DLGAP2: variants seen among roughly 807,000 people sequenced by gnomAD.
DLGAP2 encodes disks large-associated protein 2.
DLGAP2 carries 26 observed loss-of-function variants against 100.3 expected under a neutral mutation model. The observed-to-expected ratio is 0.26, with a 90% confidence interval of 0.19 to 0.36. The LOEUF (loss-of-function observed/expected upper bound fraction) is 0.36, where lower values mean the gene tolerates loss of function less well. Among genes scored for constraint, DLGAP2 ranks in the 10% least tolerant of loss-of-function variants. DLGAP2 has a pLI of 1.00. For missense variants in DLGAP2, 1,858 were observed against 1,453.2 expected, an observed-to-expected ratio of 1.28 and a Z score of -4.53; for synonymous variants, 886 against 630.1, an observed-to-expected ratio of 1.41 and a Z score of -6.08.
At chr8:1,205,086 G>C (rs927608518) in intron 2 of DLGAP2, among the ~76,000 whole-genome samples, 6 of 152,170 alleles carry the variant, frequency 3.9e-5, no homozygotes, top group Non-Finnish European at 8.8e-5. Flanking sequence ...GGTTTCCTGT[G>C]TTTCCTGTCC....
intron 2 of DLGAP2, among the ~76,000 whole-genome samples, chr8:1,089,280 A>T (rs1233045567): frequency 6.6e-6 from 1 of 152,266 alleles, no homozygotes; most frequent in Non-Finnish European, 1.5e-5. Context: ...CTTTCTCCGG[A>T]CATGGTCTAT....
intron 4 of DLGAP2, among the ~76,000 whole-genome samples, chr8:1,508,653 C>G (rs1800039136): frequency 6.7e-6 from 1 of 149,146 alleles, no homozygotes; most frequent in Non-Finnish European, 1.5e-5. Flanking sequence ...CCCAGACATA[C>G]GTAGCAGGCT....
intron 1 of DLGAP2, among the ~76,000 whole-genome samples, chr8:808,070 T>C (rs1422504668): frequency 6.6e-6 from 1 of 152,182 alleles, no homozygotes; most frequent in African/African-American, 2.4e-5. Context: ...TGGATAATTT[T>C]ACGCTCATCT....
intron 1 of DLGAP2, among the ~76,000 whole-genome samples, chr8:752,361 G>C (rs1820813370): frequency 6.6e-6 from 1 of 152,208 alleles, no homozygotes; most frequent in South Asian, 2.1e-4. Flanking sequence ...AGCCTAGTGT[G>C]CCCGGGCCGG....
intron 2 of DLGAP2, among the ~76,000 whole-genome samples, chr8:950,919 C>T (rs1032486898): frequency 6.6e-6 from 1 of 151,852 alleles, no homozygotes; most frequent in African/African-American, 2.4e-5. Context: ...CCACCGCGCT[C>T]GGCCCTAGAA....
chr8:849,639 C>G (rs1476645626), intron 1 of DLGAP2, among the ~76,000 whole-genome samples: 2 of 152,158 alleles, frequency 1.3e-5, no homozygotes, highest in Non-Finnish European at 2.9e-5. Flanking sequence ...GGTCTCCCAG[C>G]CGTCCTAATA....
chr8:969,887 A>G (rs1367012862), intron 2 of DLGAP2, among the ~76,000 whole-genome samples: 1 of 152,226 alleles, frequency 6.6e-6, no homozygotes, highest in Admixed American at 6.5e-5. Context: ...AGTGTATTAC[A>G]TCTGTGGCCA....
intron 5 of DLGAP2, among the ~76,000 whole-genome samples, chr8:1,557,524 G>C (rs1228692454): frequency 6.6e-6 from 1 of 152,108 alleles, no homozygotes; most frequent in African/African-American, 2.4e-5. Flanking sequence ...GTGAACTCAG[G>C]GGTCTCCGCA....
At chr8:782,047 C>G (rs143391495) in intron 1 of DLGAP2, among the ~76,000 whole-genome samples, 2 of 151,984 alleles carry the variant, frequency 1.3e-5, no homozygotes, top group African/African-American at 4.8e-5. Context: ...ATTGATTGTA[C>G]ATTTCAAAAT....
chr8:1,318,487 G>A (rs1040772874), intron 3 of DLGAP2, among the ~76,000 whole-genome samples: 32 of 150,214 alleles, frequency 2.1e-4, no homozygotes, highest in African/African-American at 6.9e-4. Flanking sequence ...CCCTCTTCAC[G>A]CCTTGGATTC....
intron 2 of DLGAP2, among the ~76,000 whole-genome samples, chr8:1,129,687 C>T (rs763791797): frequency 6.6e-6 from 1 of 152,098 alleles, no homozygotes; most frequent in Non-Finnish European, 1.5e-5. Flanking sequence ...GGATACAGTT[C>T]GAGTTGGTGC....
chr8:1,643,560 C>T (rs371265645), intron 8 of DLGAP2, among the ~76,000 whole-genome samples: 4 of 7,418 alleles, frequency 5.4e-4, no homozygotes, highest in Non-Finnish European at 8.0e-4. Flanking sequence ...ACCCCGCCGG[C>T]CCTCACCTGT....
At chr8:1,450,843 G>T (rs901198946) in intron 3 of DLGAP2, among the ~76,000 whole-genome samples, 1 of 152,108 alleles carries the variant, frequency 6.6e-6, no homozygotes, top group African/African-American at 2.4e-5. Context: ...TTCTGGTAAA[G>T]AACAAAATCA....
chr8:1,119,166 G>T (rs932119343), intron 2 of DLGAP2, among the ~76,000 whole-genome samples: 1 of 152,158 alleles, frequency 6.6e-6, no homozygotes, highest in South Asian at 2.1e-4. Flanking sequence ...GCACTGAGAT[G>T]GCATAAATGC....
chr8:846,635 C>A (rs889153113), intron 1 of DLGAP2, among the ~76,000 whole-genome samples: 1 of 152,136 alleles, frequency 6.6e-6, no homozygotes, highest in African/African-American at 2.4e-5. Context: ...ACTTTATTTC[C>A]TTTTGATAAT....
In DLGAP2 at chr8:1,364,488, G is replaced by A. The variant is rs918926037; in HGVS notation, c.106+105605G>A. 7.8e-5 allele frequency among the ~76,000 whole-genome samples: 11 copies of A among 141,246 alleles called. No individual in the cohort carries two copies. The South Asian group carries it at 9.5e-4, about 12-fold the overall frequency. The allele number at this position is 141,246 out of a possible 152,430, so 92.7% of individuals were successfully genotyped here. The stretch of plus-strand genomic sequence containing the variant: ...CCGCTGCGAGAGGGAGGCGGGCGCC[G>A]GTCATGGGAAGGGCGGGGGGGGTGC... On this transcript the variant is annotated intron_variant, in intron 3 of 14. Transcript: ENST00000637795.
intron 9 of DLGAP2, among the ~76,000 whole-genome samples, chr8:1,669,525 T>G (rs916963473): frequency 6.6e-6 from 1 of 152,230 alleles, no homozygotes; most frequent in South Asian, 2.1e-4. Context: ...CTGCTTCCTT[T>G]TACCCCTTCA....
chr8:1,176,179 G>T (rs1467151958), intron 2 of DLGAP2, among the ~76,000 whole-genome samples: 2 of 151,544 alleles, frequency 1.3e-5, no homozygotes, highest in East Asian at 1.9e-4. Context: ...GGGAAGCAAG[G>T]CACGTGTTAC....
Position 1,294,374 on chromosome 8 carries a change from G to A in DLGAP2, c.106+35491G>A, listed in dbSNP as rs568841916. On this transcript the variant is annotated intron_variant, in intron 3 of 14. Transcript: ENST00000637795. Reference sequence around the variant, plus strand: ...ATTGGCACTCTCCGTCGTCGTCCACGAGTGACTGGTGAGGTTGTTTTGGTG... The same window carrying A: ...ATTGGCACTCTCCGTCGTCGTCCACAAGTGACTGGTGAGGTTGTTTTGGTG... Among the ~76,000 whole-genome samples the A allele has an allele frequency of 4.8e-4, 73 of 152,274 alleles. 1 individual carries two copies. Among genetic ancestry groups the A allele is most frequent in the South Asian group, 3.1e-3 (15 of 4,822 alleles).
Sources: gnomAD v4.1 joint callset for allele counts (sites outside exome capture counted in the v4.1 genomes callset) on GRCh38, gnomAD v4.1.1 for gene constraint, MANE v1.5 for transcripts, NCBI Gene and HGNC (gene_info 2026-07-23, HGNC 2026-07-21) for gene names.